WNK3: variants seen among roughly 807,000 people sequenced by gnomAD.
WNK3 encodes serine/threonine-protein kinase WNK3.
In WNK3, 18 loss-of-function variants were observed where a neutral mutation model predicts 116.7. The observed-to-expected ratio is 0.15, with a 90% CI of 0.11 to 0.23. The LOEUF (loss-of-function observed/expected upper bound fraction) is 0.23, where lower values mean the gene tolerates loss of function less well. Ranked by LOEUF, WNK3 falls within the 10% of genes least tolerant of loss-of-function variation. The pLI is 1.00. For missense variants in WNK3, 993 were observed against 1,323.8 expected (o/e 0.75, Z 3.88); for synonymous variants, 404 against 469.4 (o/e 0.86, Z 1.80).
In WNK3 at chrX:54,290,217, A is replaced by G. The variant is rs964929418; in HGVS notation, c.2037+2671T>C. Among the ~76,000 whole-genome samples the G allele has an allele frequency of 3.6e-5, 4 of 109,824 alleles. No individual in the cohort carries two copies. The East Asian group carries it at 1.1e-3, about 32-fold the overall frequency. On this transcript the variant is annotated intron_variant, in intron 10 of 23. Coordinates refer to ENST00000354646, the Ensembl canonical transcript of WNK3. ...CTTGAACCCAGGAGGCGGAGGTTGC[A>G]GTGAGCTGAGATCACACCACTTCAC...
At chrX:54,313,415 G>A (rs782104308) in intron 2 of WNK3, among the ~76,000 whole-genome samples, 4 of 107,505 alleles carry the variant, frequency 3.7e-5, no homozygotes, top group African/African-American at 6.8e-5. Flanking sequence ...GCAATGGCGC[G>A]ATCTTGGCTC....
chrX:54,339,787 T>G (rs891097565), intron 1 of WNK3, among the ~76,000 whole-genome samples: 1 of 111,863 alleles, frequency 8.9e-6, no homozygotes, highest in Non-Finnish European at 1.9e-5. Context: ...AAGAAAACAT[T>G]GGAGTAAATC....
intron 1 of WNK3, among the ~76,000 whole-genome samples, chrX:54,344,493 G>A (rs1450787519): frequency 8.9e-6 from 1 of 111,908 alleles, no homozygotes; most frequent in Non-Finnish European, 1.9e-5. Context: ...AGTATATTGA[G>A]CATAGAAGGT....
intron 10 of WNK3, among the ~76,000 whole-genome samples, chrX:54,278,412 A>C (rs2068475477): frequency 9.2e-6 from 1 of 108,611 alleles, no homozygotes; most frequent in African/African-American, 3.4e-5. Context: ...AGAAATCCAG[A>C]AGAGCTAAAA....
rs1410666202 is a variant in WNK3, at chrX:54,304,337, C to G, written c.1090-2478G>C. Among the ~76,000 whole-genome samples the G allele has an allele frequency of 4.6e-5, 5 of 108,995 alleles. No individual in the cohort carries two copies. In the Admixed American group the frequency reaches 5.0e-4, roughly 11 times the overall value. The allele number at this position is 108,995 out of a possible 115,157, so 94.6% of individuals were successfully genotyped here. On this transcript the variant is annotated intron_variant, in intron 5 of 23. Transcript: ENST00000354646. ...GTGAGCCCAGTAGTTCAAGACCAGT[C>G]TGGGCAACATGGTGAAACCCCATCT...
At chrX:54,299,685 CG>C (rs1557167095) in intron 6 of WNK3, among the ~76,000 whole-genome samples, 1 of 110,003 alleles carries the variant, frequency 9.1e-6, no homozygotes, top group Non-Finnish European at 1.9e-5. Flanking sequence ...CAGCCTCAGG[CG>C]TGAGCCACTG....
intron 22 of WNK3, among the ~76,000 whole-genome samples, chrX:54,221,624 G>A (rs1439788686): frequency 1.8e-5 from 2 of 111,103 alleles, no homozygotes; most frequent in Non-Finnish European, 3.8e-5. Flanking sequence ...CCTGAGGTTA[G>A]GAGTTTGAGA....
intron 17 of WNK3, among the ~76,000 whole-genome samples, chrX:54,244,556 C>T (rs1468556733): frequency 9.0e-6 from 1 of 111,567 alleles, no homozygotes; most frequent in Non-Finnish European, 1.9e-5. Context: ...AACTCAGGAC[C>T]CTAATTCACT....
At chrX:54,248,595 CAT>C in intron 17 of WNK3, 100 bp downstream of exon 17, 1 of 735,110 alleles carries the variant, frequency 1.4e-6, no homozygotes, top group Middle Eastern at 4.6e-4. Context: ...CATCTTGTGA[CAT>C]AGACCATTTC....
chrX:54,289,927 G>A (rs1173041032), intron 10 of WNK3, among the ~76,000 whole-genome samples: 4 of 111,801 alleles, frequency 3.6e-5, no homozygotes, highest in Non-Finnish European at 7.5e-5. Context: ...ACCAACTGTT[G>A]GATGCTGGGA....
At chrX:54,251,232 CAG>C (rs1557154112) in intron 15 of WNK3, among the ~76,000 whole-genome samples, 165 bp downstream of exon 15, 2 of 111,608 alleles carry the variant, frequency 1.8e-5, no homozygotes, top group Admixed American at 9.6e-5. Context: ...GGGGAAAAGT[CAG>C]GGGATGGATT....
At chrX:54,285,341 G>A (rs1199541563) in intron 10 of WNK3, among the ~76,000 whole-genome samples, 1 of 111,954 alleles carries the variant, frequency 8.9e-6, no homozygotes, top group African/African-American at 3.2e-5. Context: ...CAGGAGGTCA[G>A]GGCTGCAGTG....
At chrX:54,238,307 C>T in intron 19 of WNK3, 35 bp downstream of exon 19, 4 of 1,191,192 alleles carry the variant, frequency 3.4e-6, no homozygotes, top group Non-Finnish European at 4.5e-6. Context: ...TTTTATAATG[C>T]CCTTGTAGAT....
At position 54,249,095 on chromosome X, in the gene WNK3, T is replaced by C. The variant is rs1316992545; in HGVS notation, c.3253A>G (p.Thr1085Ala). The C allele has an allele frequency of 2.5e-6, 3 of 1,210,127 alleles. No individual in the cohort carries two copies. The highest frequency in any genetic ancestry group is 3.4e-6 in the Non-Finnish European group (3 of 895,249). The stretch of plus-strand genomic sequence containing the variant: ...AGGACAGTAGTGGGTTGAAGGGTAG[T>C]TGGTTCAAGGCCAGGGGTCTGAGTG... The change falls in exon 17 of 24, where the codon ACT (threonine) becomes GCT (alanine). Residue 1085 changes from threonine to alanine, a missense_variant. Coordinates refer to ENST00000354646, the Ensembl canonical transcript of WNK3.
intron 21 of WNK3, among the ~76,000 whole-genome samples, chrX:54,231,909 A>G (rs1281887046): frequency 9.0e-6 from 1 of 110,613 alleles, no homozygotes; most frequent in Non-Finnish European, 1.9e-5. Context: ...CTGATTAACA[A>G]CTTCTATATT....
At chrX:54,248,713 C>T in exon 17 of WNK3, 2 of 1,204,676 alleles carry the variant, frequency 1.7e-6, no homozygotes, top group South Asian at 3.6e-5. Context: ...ACACAATTCG[C>T]TGGGTACAGA....
In WNK3 at chrX:54,237,558, T is replaced by C. The variant is rs2067976643; in HGVS notation, c.4015-7A>G. 2 of 1,149,858 alleles carry C rather than the reference T, an allele frequency of 1.7e-6. No homozygotes were observed. Among genetic ancestry groups the C allele is most frequent in the Admixed American group, 2.9e-5 (1 of 34,408 alleles). 94.8% of individuals were successfully genotyped at this position (1,149,858 alleles called of 1,213,427 possible). ...GCTGAGGAATTGTAATCACCTGAGA[T>C]ATAAAAACGTAAAAGTGGTTAGCAT... On this transcript the variant is annotated splice_region_variant and splice_polypyrimidine_tract_variant and intron_variant, in intron 19 of 23. Coordinates refer to ENST00000354646, the Ensembl canonical transcript of WNK3.
chrX:54,337,290 G>T (rs982168370), intron 1 of WNK3, among the ~76,000 whole-genome samples: 1 of 110,821 alleles, frequency 9.0e-6, no homozygotes, highest in African/African-American at 3.3e-5. Context: ...GGCTGGGTGC[G>T]GTGGCTCACG....
chrX:54,202,401 G>A (rs1239951823), intron 22 of WNK3, among the ~76,000 whole-genome samples: 7 of 111,250 alleles, frequency 6.3e-5, no homozygotes, highest in Admixed American at 1.9e-4. Flanking sequence ...ACTCTCAAAA[G>A]TTTCCTCTTG....
Sources: allele counts gnomAD v4.1 joint callset (sites outside exome capture counted in the v4.1 genomes callset), GRCh38; gene constraint gnomAD v4.1.1; transcripts MANE v1.5; gene names NCBI Gene and HGNC (gene_info 2026-07-23, HGNC 2026-07-21).